The following SLC25A31 variants were observed in gnomAD, a reference collection of about 807,000 sequenced individuals.
SLC25A31 encodes ADP/ATP translocase 4.
In SLC25A31, 40 loss-of-function variants were observed where a neutral mutation model predicts 36.2. That is an observed-to-expected ratio of 1.10 (90% CI 0.86 to 1.44). SLC25A31 has a LOEUF of 1.44. Ranked by LOEUF, SLC25A31 falls within the 40% of genes most tolerant of loss-of-function variation. The probability of loss-of-function intolerance (pLI) is 0.00; values close to 1 mark genes in which losing one functional copy is unlikely to be tolerated. For synonymous variants in SLC25A31, 143 were observed against 149.7 expected (o/e 0.96, Z 0.32); for missense variants, 350 against 397.1 (o/e 0.88, Z 1.01).
intron 3 of SLC25A31, 118 bp downstream of exon 3, chr4:127,764,478 C>T (rs1732202434): frequency 6.2e-6 from 5 of 802,296 alleles, no homozygotes; most frequent in Non-Finnish European, 9.8e-6. Context: ...ACTTTGTTCT[C>T]AACCAAATGG....
chr4:127,744,140 C>A (rs1430654056), intron 1 of SLC25A31, among the ~76,000 whole-genome samples: 1 of 152,186 alleles, frequency 6.6e-6, no homozygotes. Context: ...TCTCTAGAAA[C>A]TGCCTGGAAT....
chr4:127,770,843 C>T (rs1732343369), intron 5 of SLC25A31, among the ~76,000 whole-genome samples: 1 of 151,736 alleles, frequency 6.6e-6, no homozygotes, highest in African/African-American at 2.4e-5. Context: ...AGTCTGAGAT[C>T]AAGATGTCAG....
rs1047884526 is a variant in SLC25A31 at position 127,730,635 on chromosome 4, G to C, written c.90G>C (p.Ala30=). The C allele has an allele frequency of 1.1e-5, 17 of 1,613,860 alleles. No homozygotes were observed. Among genetic ancestry groups the C allele is most frequent in the East Asian group, 6.7e-5 (3 of 44,896 alleles). The part of the protein sequence containing the change: ...FGKDLLAGGV[A]AAVSKTAVAP... ...AGGACCTTCTGGCCGGCGGAGTCGC[G>C]GCAGCTGTGTCCAAGACAGCGGTGG... The change falls in exon 1 of 6, where the codon GCG becomes GCC. Residue 30 remains alanine, a synonymous_variant. Coordinates refer to ENST00000281154, the MANE Select transcript of SLC25A31 (RefSeq NM_031291.4).
intron 1 of SLC25A31, among the ~76,000 whole-genome samples, chr4:127,744,440 G>A (rs952618973): frequency 3.4e-4 from 52 of 152,050 alleles, no homozygotes; most frequent in African/African-American, 1.1e-3. Flanking sequence ...AACACTTTCC[G>A]TTTTAGGTAT....
At chr4:127,766,447 T>G (rs1378563002) in intron 3 of SLC25A31, among the ~76,000 whole-genome samples, 1 of 151,702 alleles carries the variant, frequency 6.6e-6, no homozygotes, top group Non-Finnish European at 1.5e-5. Context: ...ATTACAGGCA[T>G]GAGGCACTGT....
chr4:127,736,181 CATTCTT>C (rs1342911189), intron 1 of SLC25A31, among the ~76,000 whole-genome samples: 6 of 152,122 alleles, frequency 3.9e-5, no homozygotes, highest in Non-Finnish European at 7.4e-5. Context: ...GAATGCCTAA[CATTCTT>C]GTTCTTGGCA....
intron 2 of SLC25A31, among the ~76,000 whole-genome samples, chr4:127,755,058 T>C (rs1329470169): frequency 6.6e-6 from 1 of 152,216 alleles, no homozygotes; most frequent in Non-Finnish European, 1.5e-5. Flanking sequence ...GACAGTCTCT[T>C]CAATAAGTGG....
In SLC25A31 at chr4:127,732,679, A is replaced by AT. The variant is rs140341873; in HGVS notation, c.232+1903dup. ...CCTTGTAAGTTGATATCATTCTCAG[A>AT]TGTATCCTGGTCCTTGCTTTAAGTT... On this transcript the variant is annotated intron_variant, in intron 1 of 5. Coordinates refer to ENST00000281154, the MANE Select transcript of SLC25A31 (RefSeq NM_031291.4). Among the ~76,000 whole-genome samples, 462 of 152,308 alleles carry AT rather than the reference A, an allele frequency of 3.0e-3. 4 individuals are homozygous for AT. Among genetic ancestry groups the AT allele is most frequent in the African/African-American group, 0.011 (446 of 41,566 alleles).
At chr4:127,770,722 G>T (rs771394801) in intron 5 of SLC25A31, among the ~76,000 whole-genome samples, 7 of 152,018 alleles carry the variant, frequency 4.6e-5, no homozygotes, top group Non-Finnish European at 1.0e-4. Flanking sequence ...AAAAAAAATG[G>T]GAATATGAGT....
chr4:127,768,703 A>G, intron 4 of SLC25A31, 49 bp from the exon 5 acceptor site: 1 of 1,484,830 alleles, frequency 6.7e-7, no homozygotes, highest in East Asian at 2.4e-5. Flanking sequence ...TAAGAATTTA[A>G]GATATTTTAG....
At chr4:127,758,465 G>A (rs1036626011) in intron 2 of SLC25A31, among the ~76,000 whole-genome samples, 1 of 152,098 alleles carries the variant, frequency 6.6e-6, no homozygotes, top group Non-Finnish European at 1.5e-5. Flanking sequence ...ATGTTGTGCA[G>A]AAGCTTTTTC....
At chr4:127,747,354 A>C (rs990611833) in intron 2 of SLC25A31, among the ~76,000 whole-genome samples, 2 of 152,164 alleles carry the variant, frequency 1.3e-5, no homozygotes, top group Admixed American at 6.5e-5. Context: ...TGCTTTGGGA[A>C]ATATGACCAT....
intron 1 of SLC25A31, among the ~76,000 whole-genome samples, chr4:127,735,086 G>T (rs1022772432): frequency 2.0e-4 from 31 of 152,076 alleles, no homozygotes; most frequent in African/African-American, 7.2e-4. Flanking sequence ...CCAAATCAAG[G>T]GTAACACCAA....
chr4:127,752,984 G>T (rs997841083), intron 2 of SLC25A31, among the ~76,000 whole-genome samples: 1 of 152,080 alleles, frequency 6.6e-6, no homozygotes, highest in African/African-American at 2.4e-5. Context: ...AATTTAAGGA[G>T]GTTGAAATCA....
intron 2 of SLC25A31, among the ~76,000 whole-genome samples, chr4:127,748,869 G>A (rs575981470): frequency 6.6e-6 from 1 of 152,274 alleles, no homozygotes; most frequent in East Asian, 1.9e-4. Flanking sequence ...GGATAACAAA[G>A]ACTCAGGCAA....
At chr4:127,738,659 C>G (rs1346679619) in intron 1 of SLC25A31, among the ~76,000 whole-genome samples, 1 of 152,026 alleles carries the variant, frequency 6.6e-6, no homozygotes, top group Non-Finnish European at 1.5e-5. Context: ...TCTAGAATTT[C>G]TATGTTCATT....
chr4:127,743,086 C>T (rs375997770), intron 1 of SLC25A31, among the ~76,000 whole-genome samples: 1 of 146,566 alleles, frequency 6.8e-6, no homozygotes, highest in Non-Finnish European at 1.5e-5. Context: ...GATTTTAAGT[C>T]TTGGTTGGCT....
In SLC25A31 at chr4:127,767,181, G is replaced by T. The variant is rs1383963422; in HGVS notation, c.594G>T (p.Val198=). Residue 198 remains valine (V), a synonymous_variant, in exon 4 of 6, where the codon GTG becomes GTT. Transcript: ENST00000281154. ...GFGVSVQGII[V]YRASYFGAYD... ...GTGTTTCAGTACAGGGCATCATTGT[G>T]TACCGAGCCTCTTATTTTGGAGCTT... 6.2e-7 allele frequency: 1 copy of T among 1,607,854 alleles called. No individual in the cohort carries two copies. The highest frequency in any genetic ancestry group is 1.7e-5 in the Admixed American group (1 of 59,112).
intron 1 of SLC25A31, among the ~76,000 whole-genome samples, chr4:127,743,218 C>T (rs535448376): frequency 5.6e-4 from 84 of 150,998 alleles, no homozygotes; most frequent in African/African-American, 1.7e-3. Context: ...GCAGCCTCTA[C>T]GTCCTCAGCT....
Sources: allele counts gnomAD v4.1 joint callset (sites outside exome capture counted in the v4.1 genomes callset), GRCh38; gene constraint gnomAD v4.1.1; transcripts MANE v1.5; gene names NCBI Gene and HGNC (gene_info 2026-07-23, HGNC 2026-07-21).